The following MECOM variants were observed in gnomAD, a reference collection of about 807,000 sequenced individuals.
MECOM encodes the protein histone-lysine N-methyltransferase MECOM.
Under a neutral mutation model 116.3 loss-of-function variants are expected in MECOM, and 13 were observed. The ratio of observed to expected loss-of-function variants is 0.11; its 90% confidence interval spans 0.07 to 0.18. The LOEUF is 0.18. Among genes scored for constraint, MECOM ranks in the 10% least tolerant of loss-of-function variants. The pLI is 1.00. For synonymous variants in MECOM, 528 were observed against 535.2 expected (o/e 0.99, Z 0.19); for missense variants, 1,299 against 1,509.0 (o/e 0.86, Z 2.31).
At chr3:169,551,774 A>AT (rs1761431106) in intron 1 of MECOM, among the ~76,000 whole-genome samples, 2 of 152,222 alleles carry the variant, frequency 1.3e-5, no homozygotes, top group African/African-American at 4.8e-5. Context: ...CAGCACTATT[A>AT]TTTATAATAG....
At chr3:169,251,407 C>G (rs904487944) in intron 2 of MECOM, among the ~76,000 whole-genome samples, 1 of 152,090 alleles carries the variant, frequency 6.6e-6, no homozygotes, top group Non-Finnish European at 1.5e-5. Context: ...GTGGTCTTTG[C>G]TAGGGGGTTT....
intron 1 of MECOM, among the ~76,000 whole-genome samples, chr3:169,568,161 C>T (rs1371741361): frequency 6.6e-6 from 1 of 152,142 alleles, no homozygotes; most frequent in Non-Finnish European, 1.5e-5. Flanking sequence ...ATGAGGGACC[C>T]TGCCATGAGG....
At chr3:169,656,014 A>T (rs555264553) in intron 1 of MECOM, among the ~76,000 whole-genome samples, 1 of 152,330 alleles carries the variant, frequency 6.6e-6, no homozygotes, top group South Asian at 2.1e-4. Context: ...TCAATCAGGG[A>T]TCATGCCCAG....
At chr3:169,426,675 T>C (rs945143029) in intron 1 of MECOM, among the ~76,000 whole-genome samples, 1 of 152,208 alleles carries the variant, frequency 6.6e-6, no homozygotes, top group Non-Finnish European at 1.5e-5. Flanking sequence ...AATTTAGTAA[T>C]TGCTGAAGTA....
chr3:169,591,312 T>C (rs1032786272), intron 1 of MECOM, among the ~76,000 whole-genome samples: 1 of 152,230 alleles, frequency 6.6e-6, no homozygotes, highest in Non-Finnish European at 1.5e-5. Context: ...TCCTAAGTTA[T>C]AATGTGGGTT....
intron 1 of MECOM, among the ~76,000 whole-genome samples, chr3:169,456,804 C>A (rs1456018964): frequency 6.6e-6 from 1 of 152,132 alleles, no homozygotes; most frequent in Non-Finnish European, 1.5e-5. Context: ...GAAAGTTTAA[C>A]CAGTATTAGT....
At chr3:169,568,915 A>G (rs1395409734) in intron 1 of MECOM, among the ~76,000 whole-genome samples, 1 of 152,240 alleles carries the variant, frequency 6.6e-6, no homozygotes. Flanking sequence ...CATTGACACT[A>G]TGAAGAAACT....
intron 3 of MECOM, among the ~76,000 whole-genome samples, chr3:169,139,902 G>A (rs956912704): frequency 6.6e-6 from 1 of 151,440 alleles, no homozygotes; most frequent in Non-Finnish European, 1.5e-5. Context: ...AAAATGGTTT[G>A]TAAAAGTAAG....
At chr3:169,426,546 C>G (rs1321044133) in intron 1 of MECOM, among the ~76,000 whole-genome samples, 1 of 152,200 alleles carries the variant, frequency 6.6e-6, no homozygotes, top group Non-Finnish European at 1.5e-5. Context: ...CCATCCTTCT[C>G]AGTTCACTCA....
intron 2 of MECOM, among the ~76,000 whole-genome samples, chr3:169,322,854 CA>C (rs1577710978): frequency 6.6e-6 from 1 of 151,684 alleles, no homozygotes; most frequent in Admixed American, 6.6e-5. Flanking sequence ...AAAAATTAGC[CA>C]GCCATGTTGG....
chr3:169,182,195 C>T (rs1438799715), intron 2 of MECOM, among the ~76,000 whole-genome samples: 1 of 152,174 alleles, frequency 6.6e-6, no homozygotes, highest in Non-Finnish European at 1.5e-5. Context: ...AATAGAGCTG[C>T]CAAGGCTAAC....
intron 2 of MECOM, among the ~76,000 whole-genome samples, chr3:169,325,718 T>C (rs551039851): frequency 6.6e-6 from 1 of 152,362 alleles, no homozygotes; most frequent in South Asian, 2.1e-4. Flanking sequence ...CTGCTGCTCC[T>C]TTCAGCTCCC....
At chr3:169,613,185 C>T (rs149345042) in intron 1 of MECOM, among the ~76,000 whole-genome samples, 251 of 152,238 alleles carry the variant, frequency 1.6e-3, no homozygotes, top group African/African-American at 5.8e-3. Context: ...ATCCTGAGAA[C>T]GAAGCATCTC....
At chr3:169,395,703 T>A (rs1283187885) in intron 1 of MECOM, among the ~76,000 whole-genome samples, 3 of 152,222 alleles carry the variant, frequency 2.0e-5, no homozygotes, top group Admixed American at 6.5e-5. Flanking sequence ...CTCAAGACTT[T>A]TACTAAGTTC....
chr3:169,126,776 CAGG>C (rs2149167033), intron 5 of MECOM, among the ~76,000 whole-genome samples: 1 of 151,808 alleles, frequency 6.6e-6, no homozygotes, highest in South Asian at 2.1e-4. Flanking sequence ...GAGGCGTAAC[CAGG>C]AGAAGAGGAT....
chr3:169,643,529 G>A (rs1477236489), intron 1 of MECOM, among the ~76,000 whole-genome samples: 1 of 152,126 alleles, frequency 6.6e-6, no homozygotes, highest in African/African-American at 2.4e-5. Context: ...AAGTGTGAAT[G>A]AGCACAAACC....
At chr3:169,493,411 C>T (rs115748520) in intron 1 of MECOM, among the ~76,000 whole-genome samples, 3,258 of 152,184 alleles carry the variant, frequency 0.021, 114 homozygotes, top group African/African-American at 0.074. Flanking sequence ...GCACCACGAG[C>T]TCCCACCAGT....
intron 7 of MECOM, among the ~76,000 whole-genome samples, chr3:169,117,116 A>G (rs1729407151): frequency 6.6e-6 from 1 of 152,220 alleles, no homozygotes; most frequent in Non-Finnish European, 1.5e-5. Context: ...AAAATGCATT[A>G]CGTACAAAAC....
At chr3:169,202,366 A>G (rs1215185773) in intron 2 of MECOM, among the ~76,000 whole-genome samples, 1 of 152,160 alleles carries the variant, frequency 6.6e-6, no homozygotes, top group Non-Finnish European at 1.5e-5. Flanking sequence ...GGTGAATATA[A>G]CTTTGGGTGG....
Sources: allele counts gnomAD v4.1 joint callset (sites outside exome capture counted in the v4.1 genomes callset), GRCh38; gene constraint gnomAD v4.1.1; transcripts MANE v1.5; gene names NCBI Gene and HGNC (gene_info 2026-07-23, HGNC 2026-07-21).